The following CPLANE1 variants were observed in gnomAD, a reference collection of about 807,000 sequenced individuals.
CPLANE1 encodes the protein ciliogenesis and planar polarity effector complex subunit 1.
A neutral mutation model predicts 362.5 loss-of-function variants in CPLANE1; 263 were observed. The observed-to-expected ratio is 0.73, with a 90% CI of 0.66 to 0.80. The LOEUF (loss-of-function observed/expected upper bound fraction) is 0.80. CPLANE1 is among the 30% of genes least tolerant of loss of function. CPLANE1 has a pLI of 0.00. For synonymous variants in CPLANE1, 1,212 were observed against 1,302.6 expected, an observed-to-expected ratio of 0.93 and a Z score of 1.50; for missense variants, 3,461 against 3,793.4, an observed-to-expected ratio of 0.91 and a Z score of 2.30.
intron 19 of CPLANE1, 120 bp from the exon 20 acceptor site, chr5:37,198,986 C>G: frequency 4.6e-6 from 4 of 864,206 alleles, no homozygotes; most frequent in South Asian, 3.5e-5. Flanking sequence ...AATCCCAGCA[C>G]TTTGGAAGGC....
intron 46 of CPLANE1, among the ~76,000 whole-genome samples, chr5:37,127,215 C>T (rs182317609): frequency 1.1e-4 from 17 of 152,312 alleles, no homozygotes; most frequent in Admixed American, 6.5e-4. Flanking sequence ...GCCATGAAAA[C>T]GACTATTTGC....
chr5:37,093,141 A>T, the CPLANE1 span, among the ~76,000 whole-genome samples: 1 of 152,180 alleles, frequency 6.6e-6, no homozygotes, highest in African/African-American at 2.4e-5. Context: ...AGCCATAGTC[A>T]TCCTAGCAAC....
At chr5:37,242,839 T>TA (rs376022376) in intron 6 of CPLANE1, among the ~76,000 whole-genome samples, 174 bp downstream of exon 6, 134 of 138,744 alleles carry the variant, frequency 9.7e-4, no homozygotes, top group Middle Eastern at 3.6e-3. Flanking sequence ...ACTTGTCTGT[T>TA]AAAAAAAAAA....
chr5:37,185,342 A>G (rs957516999), intron 24 of CPLANE1, among the ~76,000 whole-genome samples: 1 of 149,386 alleles, frequency 6.7e-6, no homozygotes, highest in African/African-American at 2.4e-5. Flanking sequence ...TATGCCCTGG[A>G]AAAAAAAAAC....
chr5:37,143,047 A>G (rs1001089638), intron 43 of CPLANE1, among the ~76,000 whole-genome samples: 1 of 152,222 alleles, frequency 6.6e-6, no homozygotes, highest in African/African-American at 2.4e-5. Context: ...ATAAAAGTCA[A>G]CTTTGAGAAA....
chr5:37,108,236 A>C, intron 52 of CPLANE1, 57 bp downstream of exon 52: 1 of 1,489,970 alleles, frequency 6.7e-7, no homozygotes, highest in Non-Finnish European at 9.2e-7. Flanking sequence ...AAACAAACAA[A>C]AAACCTGAAG....
rs1739457590 is a variant in CPLANE1, at chr5:37,245,865, A to G, written c.82-20T>C. Reference sequence around the variant, plus strand: ...TTTTTCCTAAGAGAAGAAACATGTGAAGGACTCAAGAGGTGCCAGAAATTA... The same window carrying G: ...TTTTTCCTAAGAGAAGAAACATGTGGAGGACTCAAGAGGTGCCAGAAATTA... On this transcript the variant is annotated intron_variant, in intron 2 of 52. Coordinates refer to ENST00000651892, the MANE Select transcript of CPLANE1 (RefSeq NM_001384732.1). 1 of 1,493,448 alleles carries G rather than the reference A, an allele frequency of 6.7e-7. No homozygotes were observed. Among genetic ancestry groups the G allele is most frequent in the Non-Finnish European group, 8.9e-7 (1 of 1,124,668 alleles). The allele number at this position is 1,493,448 out of a possible 1,614,324, so 92.5% of individuals were successfully genotyped here.
chr5:37,079,386 G>A, the CPLANE1 span, among the ~76,000 whole-genome samples: 1 of 152,076 alleles, frequency 6.6e-6, no homozygotes. Flanking sequence ...TCTTAATACT[G>A]GGGTAATATT....
At position 37,245,493 on chromosome 5, in the gene CPLANE1, A is replaced by G; in HGVS notation, c.323T>C (p.Ile108Thr). 1 of 1,480,260 alleles carries G rather than the reference A, an allele frequency of 6.8e-7. No individual in the cohort carries two copies. Among genetic ancestry groups the G allele is most frequent in the Non-Finnish European group, 9.0e-7 (1 of 1,113,124 alleles). 91.7% of individuals were successfully genotyped at this position (1,480,260 alleles called of 1,614,324 possible). The stretch of plus-strand genomic sequence containing the variant: ...AAAATTCCCACCGACTGTAGCTTTG[A>G]TCATTTCCTTAGGCTTTTCAGTTAT... ...IPITEKPKEM[I>T]KATVASSLRL... Residue 108 changes from isoleucine (I) to threonine (T), a missense_variant, in exon 4 of 53, where the codon ATC (isoleucine) becomes ACC (threonine). Ile to Thr is a moderately conservative substitution (Grantham distance 89). Around this residue, in one of 2 missense-constraint regions of CPLANE1, gnomAD observed 3,380 missense variants for 3,666.1 expected, o/e 0.92. Coordinates refer to ENST00000651892, the MANE Select transcript of CPLANE1 (RefSeq NM_001384732.1).
chr5:37,203,095 A>G (rs899334336), intron 18 of CPLANE1, among the ~76,000 whole-genome samples: 1 of 152,130 alleles, frequency 6.6e-6, no homozygotes, highest in African/African-American at 2.4e-5. Context: ...TACTATATCC[A>G]TCCTTTTTAA....
chr5:37,149,744 C>T (rs1219560727), intron 42 of CPLANE1, among the ~76,000 whole-genome samples: 1 of 152,056 alleles, frequency 6.6e-6, no homozygotes, highest in Non-Finnish European at 1.5e-5. Context: ...CAGAAGGTAA[C>T]AGAAACCTCG....
intron 43 of CPLANE1, among the ~76,000 whole-genome samples, chr5:37,147,261 G>T (rs1159256789): frequency 1.3e-5 from 2 of 152,100 alleles, no homozygotes; most frequent in East Asian, 3.9e-4. Flanking sequence ...TCAGCCACAA[G>T]GGAAATTTTA....
chr5:37,139,219 T>C (rs531471442), intron 45 of CPLANE1, 121 bp downstream of exon 45: 211 of 984,464 alleles, frequency 2.1e-4, no homozygotes, highest in Non-Finnish European at 2.8e-4. Flanking sequence ...CAATGAAAAC[T>C]TATATTCCTT....
At chr5:37,085,838 C>G in the CPLANE1 span, 17 of 1,300,664 alleles carry the variant, frequency 1.3e-5, no homozygotes, top group Non-Finnish European at 1.8e-5. Context: ...GGGGGCCAAA[C>G]AGAGCAGTGG....
chr5:37,230,734 A>C, intron 9 of CPLANE1, 133 bp downstream of exon 9: 1 of 521,592 alleles, frequency 1.9e-6, no homozygotes, highest in Non-Finnish European at 3.1e-6. Flanking sequence ...AATAAGAAAC[A>C]GATATTGAGA....
intron 9 of CPLANE1, 80 bp downstream of exon 9, chr5:37,230,787 T>A (rs1797565656): frequency 6.5e-6 from 6 of 930,120 alleles, no homozygotes; most frequent in East Asian, 3.3e-5. Flanking sequence ...AAAGATGAAA[T>A]TTTTTTTGAA....
At chr5:37,167,861 G>A (rs1778721696) in intron 34 of CPLANE1, among the ~76,000 whole-genome samples, 2 of 152,160 alleles carry the variant, frequency 1.3e-5, no homozygotes, top group African/African-American at 4.8e-5. Flanking sequence ...TTGGAACAGG[G>A]AAGATGTAGA....
intron 44 of CPLANE1, chr5:37,139,626 A>G (rs1769041103): frequency 1.7e-6 from 1 of 573,302 alleles, no homozygotes; most frequent in South Asian, 6.6e-5. Flanking sequence ...GTCATGGCAT[A>G]CTACAACCTC....
intron 30 of CPLANE1, among the ~76,000 whole-genome samples, chr5:37,177,005 G>A (rs185169323): frequency 9.7e-4 from 148 of 152,114 alleles, no homozygotes; most frequent in South Asian, 4.4e-3. Flanking sequence ...TGATCCACCC[G>A]CCTCGGCCTC....
Sources: allele counts gnomAD v4.1 joint callset (sites outside exome capture counted in the v4.1 genomes callset), GRCh38; gene constraint gnomAD v4.1.1; regional missense constraint gnomAD v4.1.1; transcripts MANE v1.5; gene names NCBI Gene and HGNC (gene_info 2026-07-23, HGNC 2026-07-21).